The following ZNF700 variants were observed in gnomAD, a reference collection of about 807,000 sequenced individuals.
ZNF700 encodes zinc finger protein 700.
A neutral mutation model predicts 65.3 loss-of-function variants in ZNF700; 38 were observed. The ratio of observed to expected loss-of-function variants is 0.58; its 90% CI spans 0.45 to 0.76. ZNF700 has a LOEUF of 0.76. ZNF700 is among the 30% of genes least tolerant of loss of function. The probability of loss-of-function intolerance (pLI) is 0.00; values close to 1 mark genes in which losing one functional copy is unlikely to be tolerated. For synonymous variants in ZNF700, 285 were observed against 290.4 expected, an observed-to-expected ratio of 0.98 and a Z score of 0.19; for missense variants, 857 against 888.4, an observed-to-expected ratio of 0.96 and a Z score of 0.45.
chr19:11,934,151 C>T (rs1354230954), intron 1 of ZNF700, among the ~76,000 whole-genome samples: 2 of 147,844 alleles, frequency 1.4e-5, no homozygotes, highest in South Asian at 2.1e-4. Context: ...AGAGAACAGC[C>T]TGGTAGATAC....
In ZNF700 at chr19:11,925,130, C is replaced by A; in HGVS notation, c.-81C>A. ...TTCCTCACCTTCCTCGCTGCGCGGG[C>A]GGCGGTTGGTAACCGGTCAGACCAG... On this transcript the variant is annotated 5_prime_UTR_variant, in exon 1 of 4. Coordinates refer to ENST00000254321, the MANE Select transcript of ZNF700 (RefSeq NM_144566.3). 6.5e-7 allele frequency: 1 copy of A among 1,546,608 alleles called. No individual in the cohort carries two copies. Among genetic ancestry groups the A allele is most frequent in the Non-Finnish European group, 8.8e-7 (1 of 1,131,176 alleles).
At position 11,949,629 on chromosome 19, in the gene ZNF700, C is replaced by T; in HGVS notation, c.1605C>T (p.Pro535=). 3 of 1,613,934 alleles carry T rather than the reference C, an allele frequency of 1.9e-6. No homozygotes were observed. Among genetic ancestry groups the T allele is most frequent in the Non-Finnish European group, 2.5e-6 (3 of 1,179,968 alleles). The change falls in exon 4 of 4, where the codon CCC becomes CCT. Residue 535 remains proline (P), a synonymous_variant. Transcript: ENST00000254321. ...AAAAAACTCACACTGGAGAGAAACC[C>T]TATGAATGCAACCAATGTGGTAAAG... ...THEKTHTGEK[P]YECNQCGKAF...
Position 11,949,462 on chromosome 19 carries a change from G to A in ZNF700, c.1438G>A (p.Gly480Arg). ...GEKPYECKECGKAFRYVKHLQ... is the reference protein window; with the variant it reads ...GEKPYECKECRKAFRYVKHLQ... ...GAAACCCTATGAATGTAAGGAATGT[G>A]GGAAAGCCTTCAGATATGTGAAGCA... Residue 480 changes from glycine (G) to arginine (R), a missense_variant, in exon 4 of 4, where the codon GGG (glycine) becomes AGG (arginine). Physicochemically the swap from Gly to Arg is moderately radical, Grantham distance 125. Coordinates refer to ENST00000254321, the MANE Select transcript of ZNF700 (RefSeq NM_144566.3). 3.7e-6 allele frequency: 6 copies of A among 1,613,090 alleles called. No homozygotes were observed. Among genetic ancestry groups the A allele is most frequent in the Non-Finnish European group, 5.1e-6 (6 of 1,179,820 alleles).
In ZNF700 at chr19:11,925,125, G is replaced by C; in HGVS notation, c.-86G>C. On this transcript the variant is annotated 5_prime_UTR_variant, in exon 1 of 4. Transcript: ENST00000254321. ...TCGCTTTCCTCACCTTCCTCGCTGC[G>C]CGGGCGGCGGTTGGTAACCGGTCAG... is the stretch of plus-strand genomic sequence containing the variant. The C allele has an allele frequency of 6.5e-7, 1 of 1,529,412 alleles. No individual in the cohort carries two copies. The highest frequency in any genetic ancestry group is 2.3e-5 in the East Asian group (1 of 42,614). 94.7% of individuals were successfully genotyped at this position (1,529,412 alleles called of 1,614,324 possible).
At chr19:11,931,930 G>A (rs1328881396) in intron 1 of ZNF700, among the ~76,000 whole-genome samples, 1 of 147,760 alleles carries the variant, frequency 6.8e-6, no homozygotes, top group Non-Finnish European at 1.5e-5. Context: ...ACCCTGACGA[G>A]CATGGAGAAA....
At chr19:11,941,144 C>T (rs1283106891) in intron 1 of ZNF700, among the ~76,000 whole-genome samples, 2 of 152,244 alleles carry the variant, frequency 1.3e-5, no homozygotes, top group Admixed American at 6.5e-5. Flanking sequence ...AAGCTAGATA[C>T]AGAGTGCCGA....
At chr19:11,947,906 G>A (rs1402769403) in intron 3 of ZNF700, among the ~76,000 whole-genome samples, 2 of 152,134 alleles carry the variant, frequency 1.3e-5, no homozygotes, top group East Asian at 3.8e-4. Context: ...TACTCAGGAG[G>A]CGAAGGCAGG....
At chr19:11,937,491 T>C (rs893594103) in intron 1 of ZNF700, among the ~76,000 whole-genome samples, 1 of 114,058 alleles carries the variant, frequency 8.8e-6, no homozygotes, top group African/African-American at 4.4e-5. Flanking sequence ...TTTTCTTTCC[T>C]TTTTTTTTTT....
chr19:11,948,173 A>G, intron 3 of ZNF700, 103 bp from the exon 4 acceptor site: 1 of 1,346,488 alleles, frequency 7.4e-7, no homozygotes, highest in Admixed American at 2.3e-5. Flanking sequence ...CAGAAAGCCT[A>G]CACTTTGATG....
Position 11,948,601 on chromosome 19 carries a change from C to A in ZNF700, c.577C>A (p.Pro193Thr). The A allele has an allele frequency of 6.2e-7, 1 of 1,610,116 alleles. No homozygotes were observed. The highest frequency in any genetic ancestry group is 8.5e-7 in the Non-Finnish European group (1 of 1,179,204). The change falls in exon 4 of 4, where the codon CCC becomes ACC. Residue 193 changes from proline (P) to threonine (T), a missense_variant. Around this residue, in one of 3 missense-constraint regions of ZNF700, gnomAD observed 603 missense variants for 619.9 expected, o/e 0.97. Coordinates refer to ENST00000254321, the MANE Select transcript of ZNF700 (RefSeq NM_144566.3). ...TQERDHTGEK[P>T]YACKVCGKTF... ...AGAAAGGGATCACACTGGAGAGAAA[C>A]CCTATGCTTGTAAAGTCTGTGGAAA... is the stretch of plus-strand genomic sequence containing the variant.
At chr19:11,927,249 G>A (rs1972642745) in intron 1 of ZNF700, among the ~76,000 whole-genome samples, 2 of 152,070 alleles carry the variant, frequency 1.3e-5, no homozygotes, top group South Asian at 4.2e-4. Flanking sequence ...AGGTGTTCAG[G>A]AGGCTGATGT....
chr19:11,935,157 C>G (rs1180948519), intron 1 of ZNF700, among the ~76,000 whole-genome samples: 1 of 115,926 alleles, frequency 8.6e-6, no homozygotes, highest in African/African-American at 3.7e-5. Flanking sequence ...GCCTGGGCGA[C>G]AGAGCGAGAC....
intron 1 of ZNF700, among the ~76,000 whole-genome samples, chr19:11,933,328 ATAT>A (rs779586562): frequency 4.0e-5 from 6 of 148,372 alleles, no homozygotes; most frequent in Non-Finnish European, 8.8e-5. Context: ...ATGCAAGAAT[ATAT>A]TACATGTGAA....
Position 11,950,134 on chromosome 19 carries a change from T to C in ZNF700, c.2110T>C (p.Tyr704His). ...AAGAACACACATTGGAGAGAAACAC[T>C]ATGAATGTAAGGAATGCGGAAAAGC... is the stretch of plus-strand genomic sequence containing the variant. ...HARTHIGEKH[Y>H]ECKECGKAFN... The change falls in exon 4 of 4, where the codon TAT becomes CAT. Residue 704 changes from tyrosine to histidine, a missense_variant. This residue lies in a region of ZNF700 where 251 missense variants were observed against 250.3 expected (regional missense o/e 1.00). Coordinates refer to ENST00000254321, the MANE Select transcript of ZNF700 (RefSeq NM_144566.3). 3 of 1,614,134 alleles carry C rather than the reference T, an allele frequency of 1.9e-6. No homozygotes were observed. Among genetic ancestry groups the C allele is most frequent in the Non-Finnish European group, 2.5e-6 (3 of 1,180,028 alleles).
chr19:11,949,553 G>A lies in ZNF700; in HGVS notation c.1529G>A (p.Cys510Tyr). ...CCCTCTGGAGAAAGACCTTATAAAT[G>A]TAGTATATGTGAGAAAGGCTTTTAT... The part of the protein sequence containing the change: ...RMPSGERPYK[C>Y]SICEKGFYSA... The change falls in exon 4 of 4, where the codon TGT (cysteine) becomes TAT (tyrosine). Residue 510 changes from cysteine to tyrosine, a missense_variant. Transcript: ENST00000254321. 4 of 1,611,114 alleles carry A rather than the reference G, an allele frequency of 2.5e-6. No individual in the cohort carries two copies. The highest frequency in any genetic ancestry group is 3.4e-6 in the Non-Finnish European group (4 of 1,179,412).
chr19:11,938,730 G>C (rs1426616617), intron 1 of ZNF700, among the ~76,000 whole-genome samples: 1 of 152,062 alleles, frequency 6.6e-6, no homozygotes, highest in Non-Finnish European at 1.5e-5. Flanking sequence ...TAATCCTTTG[G>C]GTATATACCC....
chr19:11,944,646 G>T (rs975697984), intron 1 of ZNF700, among the ~76,000 whole-genome samples: 1 of 152,208 alleles, frequency 6.6e-6, no homozygotes, highest in Non-Finnish European at 1.5e-5. Flanking sequence ...GTACACACAA[G>T]AACTAGTAAA....
chr19:11,935,941 A>G (rs926333631), intron 1 of ZNF700, among the ~76,000 whole-genome samples: 2 of 152,068 alleles, frequency 1.3e-5, no homozygotes, highest in Admixed American at 1.3e-4. Context: ...CCCACCTATG[A>G]GTGAGAATAT....
chr19:11,945,961 G>A (rs919384327), intron 1 of ZNF700, among the ~76,000 whole-genome samples: 4 of 152,128 alleles, frequency 2.6e-5, no homozygotes, highest in Non-Finnish European at 5.9e-5. Context: ...TATATCAATA[G>A]TCTTTTTGGA....
Sources: allele counts gnomAD v4.1 joint callset (sites outside exome capture counted in the v4.1 genomes callset), GRCh38; gene constraint gnomAD v4.1.1; regional missense constraint gnomAD v4.1.1; transcripts MANE v1.5; gene names NCBI Gene and HGNC (gene_info 2026-07-23, HGNC 2026-07-21).